DEFB131A: variants seen among roughly 807,000 people sequenced by gnomAD.
DEFB131A encodes the protein beta-defensin 131A.
DEFB131A carries 5 observed loss-of-function variants against 2.4 expected under a neutral mutation model. That is an observed-to-expected ratio of 2.12 (90% confidence interval 1.11 to 4.47). The LOEUF (loss-of-function observed/expected upper bound fraction) is 4.47, where lower values mean the gene tolerates loss of function less well. DEFB131A is among the 30% of genes most tolerant of loss of function. The probability of loss-of-function intolerance (pLI) is 0.00; values close to 1 mark genes in which losing one functional copy is unlikely to be tolerated. For missense variants in DEFB131A, 120 were observed against 79.9 expected, an observed-to-expected ratio of 1.50 and a Z score of -1.91; for synonymous variants, 34 against 25.7, an observed-to-expected ratio of 1.32 and a Z score of -0.97.
At position 9,450,079 on chromosome 4, in the gene DEFB131A, C is replaced by T. The variant is rs567711023; in HGVS notation, c.59-281C>T. On this transcript the variant is annotated intron_variant, in intron 1 of 1. Coordinates refer to ENST00000334879, the MANE Select transcript of DEFB131A (RefSeq NM_001040448.3). Reference sequence around the variant, plus strand: ...GCATTATGAATCTCTACACCACCCCCAAGCTGGATAATTCATTTTAGGTAG... The same window carrying T: ...GCATTATGAATCTCTACACCACCCCTAAGCTGGATAATTCATTTTAGGTAG... Among the ~76,000 whole-genome samples the T allele has an allele frequency of 1.2e-4, 18 of 152,262 alleles. No homozygotes were observed. The South Asian group carries it at 2.7e-3, about 23-fold the overall frequency.
chr4:9,449,578 G>A (rs1717598621), intron 1 of DEFB131A, among the ~76,000 whole-genome samples: 1 of 151,608 alleles, frequency 6.6e-6, no homozygotes, highest in Non-Finnish European at 1.5e-5. Flanking sequence ...ATAATTACCT[G>A]AAACTGTAAA....
At chr4:9,448,305 A>G (rs1262144902) in intron 1 of DEFB131A, among the ~76,000 whole-genome samples, 1 of 151,644 alleles carries the variant, frequency 6.6e-6, no homozygotes, top group Non-Finnish European at 1.5e-5. Context: ...TTAAAATGTT[A>G]TAAAAGAAAA....
At chr4:9,449,410 C>T (rs1469141466) in intron 1 of DEFB131A, among the ~76,000 whole-genome samples, 6 of 132,610 alleles carry the variant, frequency 4.5e-5, no homozygotes, top group Non-Finnish European at 8.1e-5. Flanking sequence ...AGTCCACTGG[C>T]CTTCAACAAA....
At chr4:9,448,512 C>T (rs532592339) in intron 1 of DEFB131A, among the ~76,000 whole-genome samples, 10 of 152,178 alleles carry the variant, frequency 6.6e-5, no homozygotes, top group Admixed American at 4.6e-4. Context: ...TTAGTAGAGA[C>T]TGGATTCCGC....
chr4:9,446,212 T>G (rs1717500998), intron 1 of DEFB131A, among the ~76,000 whole-genome samples: 2 of 152,242 alleles, frequency 1.3e-5, no homozygotes, highest in African/African-American at 4.8e-5. Context: ...GGAGGTAATA[T>G]GAGCCTCAGA....
intron 1 of DEFB131A, among the ~76,000 whole-genome samples, chr4:9,445,818 A>G (rs2108836938): frequency 6.6e-6 from 1 of 152,274 alleles, no homozygotes; most frequent in Non-Finnish European, 1.5e-5. Context: ...TAACCGCAAG[A>G]AGAAATCTCT....
At chr4:9,447,075 A>C (rs940885913) in intron 1 of DEFB131A, among the ~76,000 whole-genome samples, 6 of 152,070 alleles carry the variant, frequency 3.9e-5, no homozygotes, top group African/African-American at 1.4e-4. Flanking sequence ...TATTGGATGA[A>C]GTGTTCTGTA....
chr4:9,447,162 C>T (rs1431025107), intron 1 of DEFB131A, among the ~76,000 whole-genome samples: 1 of 152,170 alleles, frequency 6.6e-6, no homozygotes, highest in African/African-American at 2.4e-5. Flanking sequence ...CCTAGATGAT[C>T]TGTTCAATGC....
chr4:9,444,728 G>C, intron 1 of DEFB131A, 137 bp downstream of exon 1: 1 of 830,380 alleles, frequency 1.2e-6, no homozygotes, highest in South Asian at 1.8e-5. Context: ...GGATTGAAGA[G>C]TTGATACTAA....
chr4:9,450,428 G>C lies in DEFB131A; in HGVS notation c.127G>C (p.Asp43His). The stretch of plus-strand genomic sequence containing the variant: ...TCATTGCAGACTGAAGTGCAATGCT[G>C]ATGAACATGCAATTAGATACTGTGC... ...YYHCRLKCNA[D>H]EHAIRYCADF... The change falls in exon 2 of 2, where the codon GAT (aspartate) becomes CAT (histidine). Residue 43 changes from aspartate (D) to histidine (H), a missense_variant. Asp to His is a moderately conservative substitution (Grantham distance 81). Transcript: ENST00000334879. The C allele has an allele frequency of 6.2e-7, 1 of 1,610,132 alleles. No individual in the cohort carries two copies. The highest frequency in any genetic ancestry group is 2.3e-4 in the Middle Eastern group (1 of 4,426).
rs776970112 is a variant in DEFB131A at position 9,450,391 on chromosome 4, T to C, written c.90T>C (p.Pro30=). The change falls in exon 2 of 2, where the codon CCT becomes CCC. Residue 30 remains proline, a synonymous_variant. Coordinates refer to ENST00000334879, the MANE Select transcript of DEFB131A (RefSeq NM_001040448.3). ...ARSFISNDEC[P]SEYYHCRLKC... is the part of the protein sequence containing the mutation. ...GCTTCATTTCTAATGATGAATGTCC[T>C]TCAGAATATTATCATTGCAGACTGA... 2 of 1,594,282 alleles carry C rather than the reference T, an allele frequency of 1.3e-6. No homozygotes were observed. Among genetic ancestry groups the C allele is most frequent in the Non-Finnish European group, 1.7e-6 (2 of 1,169,240 alleles).
intron 1 of DEFB131A, among the ~76,000 whole-genome samples, chr4:9,449,307 G>T (rs192806727): frequency 1.5e-5 from 1 of 66,948 alleles, no homozygotes; most frequent in East Asian, 4.3e-4. Context: ...AATCCTAATG[G>T]CACTCTTGAC....
At chr4:9,446,375 T>G (rs1488993508) in intron 1 of DEFB131A, among the ~76,000 whole-genome samples, 1 of 152,224 alleles carries the variant, frequency 6.6e-6, no homozygotes, top group African/African-American at 2.4e-5. Flanking sequence ...TATGGATTAT[T>G]TAGCATATGG....
In DEFB131A at chr4:9,444,481, G is replaced by A. The variant is rs28650494; in HGVS notation, c.-53G>A. The A allele has an allele frequency of 6.3e-7, 1 of 1,595,758 alleles. No homozygotes were observed. ...TTCAGAGAACTGAATGTACACAGAAGTCCTCTTCATCTCAGCTACTGATTC... is the reference window on the plus strand; with the variant it reads ...TTCAGAGAACTGAATGTACACAGAAATCCTCTTCATCTCAGCTACTGATTC... On this transcript the variant is annotated 5_prime_UTR_variant, in exon 1 of 2. Coordinates refer to ENST00000334879, the MANE Select transcript of DEFB131A (RefSeq NM_001040448.3).
rs754699060 is a variant in DEFB131A, at chr4:9,444,486, C to T, written c.-48C>T. ...AGAACTGAATGTACACAGAAGTCCT[C>T]TTCATCTCAGCTACTGATTCTCTCT... On this transcript the variant is annotated 5_prime_UTR_variant, in exon 1 of 2. Coordinates refer to ENST00000334879, the MANE Select transcript of DEFB131A (RefSeq NM_001040448.3). The T allele has an allele frequency of 6.2e-7, 1 of 1,602,108 alleles. No homozygotes were observed. The highest frequency in any genetic ancestry group is 8.5e-7 in the Non-Finnish European group (1 of 1,174,774).
Position 9,450,658 on chromosome 4 carries a change from A to G in DEFB131A, c.*144A>G. ...GTGAAAATGAATATAAATTTTATAA[A>G]TGCTTCCACTCTATTTTCATTTGTG... On this transcript the variant is annotated 3_prime_UTR_variant, in exon 2 of 2. Coordinates refer to ENST00000334879, the MANE Select transcript of DEFB131A (RefSeq NM_001040448.3). 1 of 1,233,720 alleles carries G rather than the reference A, an allele frequency of 8.1e-7. No individual in the cohort carries two copies. The highest frequency in any genetic ancestry group is 2.6e-5 in the East Asian group (1 of 39,108). The allele number at this position is 1,233,720 out of a possible 1,614,324, so 76.4% of individuals were successfully genotyped here.
At chr4:9,449,234 T>G (rs1241681397) in intron 1 of DEFB131A, among the ~76,000 whole-genome samples, 1 of 148,888 alleles carries the variant, frequency 6.7e-6, no homozygotes, top group Non-Finnish European at 1.5e-5. Flanking sequence ...TTGGAAGACA[T>G]GATAATATTA....
intron 1 of DEFB131A, among the ~76,000 whole-genome samples, chr4:9,450,063 A>G (rs1717615919): frequency 6.6e-6 from 1 of 152,156 alleles, no homozygotes; most frequent in Admixed American, 6.6e-5. Context: ...TGCATTATGA[A>G]TCTCTACACC....
rs751243150 is a variant in DEFB131A at position 9,450,404 on chromosome 4, C to T, written c.103C>T (p.His35Tyr). 1.9e-6 allele frequency: 3 copies of T among 1,602,382 alleles called. No individual in the cohort carries two copies. Among genetic ancestry groups the T allele is most frequent in the Middle Eastern group, 2.3e-4 (1 of 4,404 alleles). ...TGATGAATGTCCTTCAGAATATTAT[C>T]ATTGCAGACTGAAGTGCAATGCTGA... Reference protein sequence around the residue: ...SNDECPSEYYHCRLKCNADEH... With the variant: ...SNDECPSEYYYCRLKCNADEH... The change falls in exon 2 of 2, where the codon CAT becomes TAT. Residue 35 changes from histidine to tyrosine, a missense_variant. Coordinates refer to ENST00000334879, the MANE Select transcript of DEFB131A (RefSeq NM_001040448.3).
Sources: gnomAD v4.1 joint callset for allele counts (sites outside exome capture counted in the v4.1 genomes callset) on GRCh38, gnomAD v4.1.1 for gene constraint, MANE v1.5 for transcripts, NCBI Gene and HGNC (gene_info 2026-07-23, HGNC 2026-07-21) for gene names.